KAZN: variants seen among roughly 807,000 people sequenced by gnomAD.
The protein encoded by KAZN is kazrin.
In KAZN, 40 loss-of-function variants were observed where a neutral mutation model predicts 87.4. That is an observed-to-expected ratio of 0.46 (90% confidence interval 0.36 to 0.60). The LOEUF is 0.60. KAZN is among the 20% of genes least tolerant of loss of function. KAZN has a pLI of 0.00. For synonymous variants in KAZN, 466 were observed against 458.3 expected, an observed-to-expected ratio of 1.02 and a Z score of -0.22; for missense variants, 898 against 1,073.9, an observed-to-expected ratio of 0.84 and a Z score of 2.29.
chr1:14,080,679 C>T (rs1030628720), intron 1 of KAZN, among the ~76,000 whole-genome samples: 3 of 152,190 alleles, frequency 2.0e-5, no homozygotes, highest in Non-Finnish European at 4.4e-5. Flanking sequence ...CTGGCGTGAG[C>T]GTTTTCTGCA....
intron 2 of KAZN, among the ~76,000 whole-genome samples, chr1:14,998,878 G>A (rs576782849): frequency 6.6e-6 from 1 of 152,288 alleles, no homozygotes; most frequent in South Asian, 2.1e-4. Flanking sequence ...GAAAAACTGA[G>A]GCATGGAGAG....
intron 2 of KAZN, among the ~76,000 whole-genome samples, chr1:15,033,021 T>C (rs1424485573): frequency 6.6e-6 from 1 of 150,938 alleles, no homozygotes; most frequent in Non-Finnish European, 1.5e-5. Context: ...CATGTACAGA[T>C]TTTTTTTTCT....
intron 2 of KAZN, among the ~76,000 whole-genome samples, chr1:14,227,945 C>T (rs1455427601): frequency 6.6e-6 from 1 of 152,182 alleles, no homozygotes; most frequent in Non-Finnish European, 1.5e-5. Context: ...TTGTTGTATA[C>T]TTACACTCCA....
At chr1:14,763,456 A>C (rs35437590) in intron 1 of KAZN, among the ~76,000 whole-genome samples, 68,936 of 152,026 alleles carry the variant, frequency 0.45, 15,844 homozygotes, top group Non-Finnish European at 0.48. Context: ...ACCCCCAATA[A>C]CATTTGTACC....
intron 2 of KAZN, among the ~76,000 whole-genome samples, chr1:14,228,442 T>A (rs187915917): frequency 6.6e-6 from 1 of 152,168 alleles, no homozygotes; most frequent in Admixed American, 6.5e-5. Context: ...TGAATGACAA[T>A]GTGACCTCAC....
chr1:14,374,729 G>A (rs544088687), intron 2 of KAZN, among the ~76,000 whole-genome samples: 8 of 152,088 alleles, frequency 5.3e-5, no homozygotes, highest in Admixed American at 2.6e-4. Flanking sequence ...TCAGGACCGC[G>A]GACTGCCCCT....
intron 1 of KAZN, among the ~76,000 whole-genome samples, chr1:14,671,208 C>A (rs1220931812): frequency 6.6e-6 from 1 of 152,202 alleles, no homozygotes; most frequent in Admixed American, 6.5e-5. Context: ...ACAGCGCATG[C>A]TGCTATCTAA....
intron 2 of KAZN, among the ~76,000 whole-genome samples, chr1:14,299,321 A>G (rs1654360206): frequency 1.3e-5 from 2 of 151,992 alleles, no homozygotes; most frequent in Admixed American, 1.3e-4. Context: ...TGGCCAACAT[A>G]CTGAAACCCT....
chr1:14,418,971 G>A (rs941581216), intron 2 of KAZN, among the ~76,000 whole-genome samples: 1 of 152,244 alleles, frequency 6.6e-6, no homozygotes, highest in Admixed American at 6.5e-5. Flanking sequence ...GTGAACTCTT[G>A]TCTGAAAACT....
intron 1 of KAZN, among the ~76,000 whole-genome samples, chr1:14,888,517 A>G (rs1329782338): frequency 6.6e-6 from 1 of 152,184 alleles, no homozygotes; most frequent in Admixed American, 6.5e-5. Flanking sequence ...GAAGGGGGCC[A>G]CTTCGACCAG....
intron 1 of KAZN, among the ~76,000 whole-genome samples, chr1:13,905,941 G>A (rs1639420732): frequency 6.6e-6 from 1 of 152,294 alleles, no homozygotes; most frequent in East Asian, 1.9e-4. Context: ...AAAGACCTGA[G>A]TTCCTTCTGG....
At chr1:14,737,287 AG>A (rs570647519) in intron 1 of KAZN, among the ~76,000 whole-genome samples, 51 of 152,290 alleles carry the variant, frequency 3.3e-4, no homozygotes, top group African/African-American at 1.2e-3. Context: ...TGGTCAGAGA[AG>A]ACCTGAGAAC....
chr1:14,882,022 G>A (rs1653392648), intron 1 of KAZN, among the ~76,000 whole-genome samples: 1 of 151,992 alleles, frequency 6.6e-6, no homozygotes, highest in South Asian at 2.1e-4. Context: ...GAGTCCTTAG[G>A]GCTACTGAAT....
intron 1 of KAZN, among the ~76,000 whole-genome samples, chr1:14,847,842 G>T (rs985240937): frequency 1.3e-5 from 2 of 152,104 alleles, no homozygotes; most frequent in Non-Finnish European, 2.9e-5. Flanking sequence ...AATTAGCCAG[G>T]CGTGATGGCC....
intron 1 of KAZN, among the ~76,000 whole-genome samples, chr1:14,109,744 C>T (rs1366024492): frequency 6.6e-6 from 1 of 152,194 alleles, no homozygotes; most frequent in African/African-American, 2.4e-5. Flanking sequence ...AGACTGGAGC[C>T]ACCATTCCAT....
At chr1:13,980,618 TAAAGCA>T (rs956045037) in intron 1 of KAZN, among the ~76,000 whole-genome samples, 51 of 152,114 alleles carry the variant, frequency 3.4e-4, no homozygotes, top group Middle Eastern at 3.2e-3. Context: ...CCCAAATATA[TAAAGCA>T]AAAGCAGGCA....
intron 1 of KAZN, among the ~76,000 whole-genome samples, chr1:14,084,848 G>C (rs1167122221): frequency 6.6e-6 from 1 of 152,054 alleles, no homozygotes; most frequent in Admixed American, 6.5e-5. Flanking sequence ...CCTGCACGTT[G>C]TGCACATGTA....
chr1:14,081,712 C>T (rs1345890841), intron 1 of KAZN, among the ~76,000 whole-genome samples: 1 of 152,012 alleles, frequency 6.6e-6, no homozygotes, highest in Non-Finnish European at 1.5e-5. Flanking sequence ...AACTTGAGGA[C>T]ACATAGACAC....
intron 10 of KAZN, among the ~76,000 whole-genome samples, chr1:15,101,124 GT>G (rs1371558687): frequency 3.5e-5 from 5 of 144,880 alleles, no homozygotes; most frequent in African/African-American, 1.0e-4. Flanking sequence ...CCTTCCGTTT[GT>G]TTCTCTGTTG....
Sources: gnomAD v4.1 joint callset for allele counts (sites outside exome capture counted in the v4.1 genomes callset) on GRCh38, gnomAD v4.1.1 for gene constraint, MANE v1.5 for transcripts, NCBI Gene and HGNC (gene_info 2026-07-23, HGNC 2026-07-21) for gene names.